The following DPP10 variants were observed in gnomAD, a reference collection of about 807,000 sequenced individuals.
DPP10 encodes inactive dipeptidyl peptidase 10.
DPP10 carries 33 observed loss-of-function variants against 120.9 expected under a neutral mutation model. The observed-to-expected ratio is 0.27, with a 90% confidence interval of 0.21 to 0.37. The LOEUF (loss-of-function observed/expected upper bound fraction) is 0.37, where lower values mean the gene tolerates loss of function less well. Ranked by LOEUF, DPP10 falls within the 10% of genes least tolerant of loss-of-function variation. The pLI is 1.00. For missense variants in DPP10, 816 were observed against 942.8 expected (o/e 0.87, Z 1.76); for synonymous variants, 337 against 326.1 (o/e 1.03, Z -0.36).
chr2:115,087,533 C>CTTTTTTTTTTTTTTTTTTTTTTTTTTT (rs1310507943), intron 1 of DPP10, among the ~76,000 whole-genome samples: 1 of 92,590 alleles, frequency 1.1e-5, no homozygotes, highest in Non-Finnish European at 2.2e-5. Flanking sequence ...CTTTTCTTTT[C>CTTTTTTTTTTTTTTTTTTTTTTTTTTT]TTTTCTTTTT....
At chr2:115,466,758 G>A (rs1248760924) in intron 3 of DPP10, among the ~76,000 whole-genome samples, 1 of 152,068 alleles carries the variant, frequency 6.6e-6, no homozygotes, top group Non-Finnish European at 1.5e-5. Context: ...TTCTATATTG[G>A]GTTCTACTTT....
chr2:114,505,328 G>A (rs906069830), intron 1 of DPP10, among the ~76,000 whole-genome samples: 1 of 152,082 alleles, frequency 6.6e-6, no homozygotes, highest in African/African-American at 2.4e-5. Context: ...GGGAAAACTA[G>A]TAGAAGATAA....
chr2:115,410,336 C>T (rs573527127), intron 3 of DPP10, among the ~76,000 whole-genome samples: 12 of 152,240 alleles, frequency 7.9e-5, no homozygotes, highest in Admixed American at 1.3e-4. Flanking sequence ...TGCAGGGACA[C>T]GGATGGAGCT....
intron 3 of DPP10, among the ~76,000 whole-genome samples, chr2:115,444,784 A>G (rs2072414520): frequency 6.6e-6 from 1 of 152,198 alleles, no homozygotes; most frequent in African/African-American, 2.4e-5. Flanking sequence ...TACACTTTCT[A>G]AAATGTCTAG....
At chr2:114,981,420 A>G (rs1700083705) in intron 1 of DPP10, among the ~76,000 whole-genome samples, 1 of 152,194 alleles carries the variant, frequency 6.6e-6, no homozygotes, top group African/African-American at 2.4e-5. Flanking sequence ...TAGTTACAAT[A>G]CTTTTTTACA....
At chr2:114,656,958 G>C (rs1328502081) in intron 1 of DPP10, among the ~76,000 whole-genome samples, 1 of 152,108 alleles carries the variant, frequency 6.6e-6, no homozygotes, top group Admixed American at 6.6e-5. Flanking sequence ...AACTTTATAA[G>C]CACCGTTTTG....
intron 1 of DPP10, among the ~76,000 whole-genome samples, chr2:115,258,133 T>G (rs1264223662): frequency 6.6e-6 from 1 of 152,206 alleles, no homozygotes; most frequent in Non-Finnish European, 1.5e-5. Flanking sequence ...AAACACACTT[T>G]CAAGTTAAAT....
In DPP10 at chr2:114,757,690, A is replaced by G. The variant is rs553735993; in HGVS notation, c.60+314852A>G. Reference sequence around the variant, plus strand: ...TAGCCTTAAGTGTGGTCCCCTGACCAACAGCATCTTGGGATTTGTTAGAAA... The same window carrying G: ...TAGCCTTAAGTGTGGTCCCCTGACCGACAGCATCTTGGGATTTGTTAGAAA... On this transcript the variant is annotated intron_variant, in intron 1 of 25. Transcript: ENST00000410059. Among the ~76,000 whole-genome samples the G allele has an allele frequency of 1.8e-4, 27 of 152,282 alleles. No homozygotes were observed. The South Asian group carries it at 5.4e-3, about 30-fold the overall frequency.
intron 23 of DPP10, 21 bp from the exon 24 acceptor site, chr2:115,836,653 T>C: frequency 6.2e-7 from 1 of 1,611,278 alleles, no homozygotes; most frequent in East Asian, 2.2e-5. Flanking sequence ...TAGATACAGA[T>C]ATTTGTATTT....
intron 24 of DPP10, among the ~76,000 whole-genome samples, chr2:115,839,519 C>A (rs1022501215): frequency 2.0e-5 from 3 of 151,704 alleles, no homozygotes; most frequent in Non-Finnish European, 2.9e-5. Context: ...ACTAGAAATA[C>A]AAAAATTAGC....
chr2:115,170,748 A>G (rs189926129), intron 1 of DPP10, among the ~76,000 whole-genome samples: 3 of 152,244 alleles, frequency 2.0e-5, no homozygotes, highest in Non-Finnish European at 2.9e-5. Context: ...ACCCATAGTG[A>G]GAGTGATAGG....
chr2:114,522,491 G>A (rs1558840863), intron 1 of DPP10, among the ~76,000 whole-genome samples: 1 of 152,104 alleles, frequency 6.6e-6, no homozygotes, highest in Non-Finnish European at 1.5e-5. Context: ...TATACTTAGA[G>A]ATAGGACTAA....
chr2:115,750,334 T>A, intron 10 of DPP10: 1 of 453,858 alleles, frequency 2.2e-6, no homozygotes, highest in Non-Finnish European at 2.9e-6. Flanking sequence ...GTGATTGAGT[T>A]AATAGATATA....
intron 19 of DPP10, among the ~76,000 whole-genome samples, chr2:115,792,989 T>C (rs1333586527): frequency 6.6e-6 from 1 of 152,186 alleles, no homozygotes. Flanking sequence ...GTGTCACACA[T>C]AGGGGGAAAA....
chr2:115,701,215 G>A (rs2091874235), intron 7 of DPP10, among the ~76,000 whole-genome samples: 1 of 152,054 alleles, frequency 6.6e-6, no homozygotes, highest in African/African-American at 2.4e-5. Context: ...TCAAAATAGT[G>A]TGACATAAAT....
intron 1 of DPP10, among the ~76,000 whole-genome samples, chr2:115,027,792 C>T (rs1018738958): frequency 6.6e-6 from 1 of 152,046 alleles, no homozygotes; most frequent in African/African-American, 2.4e-5. Flanking sequence ...TCTTGTTACT[C>T]ATTATTGGTT....
chr2:114,583,632 C>G (rs1690717871), intron 1 of DPP10, among the ~76,000 whole-genome samples: 1 of 152,078 alleles, frequency 6.6e-6, no homozygotes, highest in Non-Finnish European at 1.5e-5. Context: ...GAAACTTTGA[C>G]TTTTTAAATT....
intron 2 of DPP10, among the ~76,000 whole-genome samples, chr2:115,335,390 A>G (rs910421130): frequency 6.6e-6 from 1 of 151,974 alleles, no homozygotes; most frequent in Non-Finnish European, 1.5e-5. Flanking sequence ...GAAAGAAGAA[A>G]CTGTTTTTCA....
intron 3 of DPP10, among the ~76,000 whole-genome samples, chr2:115,450,628 C>A (rs1195177127): frequency 6.6e-6 from 1 of 151,822 alleles, no homozygotes; most frequent in Non-Finnish European, 1.5e-5. Context: ...TTAGGATGAC[C>A]AAGGCAGGCA....
Sources: gnomAD v4.1 joint callset for allele counts (sites outside exome capture counted in the v4.1 genomes callset) on GRCh38, gnomAD v4.1.1 for gene constraint, MANE v1.5 for transcripts, NCBI Gene and HGNC (gene_info 2026-07-23, HGNC 2026-07-21) for gene names.